Variants in MYL6B observed in about 807,000 individuals in gnomAD.
MYL6B encodes myosin light chain 6B.
In MYL6B, 19 loss-of-function variants were observed where a neutral mutation model predicts 24.5. The ratio of observed to expected loss-of-function variants is 0.78; its 90% CI spans 0.54 to 1.14. The LOEUF (loss-of-function observed/expected upper bound fraction) is 1.14. Among genes scored for constraint, MYL6B ranks in the 50% most tolerant of loss-of-function variants. The pLI is 0.00. For synonymous variants in MYL6B, 90 were observed against 100.7 expected (o/e 0.89, Z 0.64); for missense variants, 230 against 263.8 (o/e 0.87, Z 0.89).
chr12:56,157,752 C>T lies in MYL6B; in HGVS notation c.*26C>T. On this transcript the variant is annotated 3_prime_UTR_variant, in exon 7 of 7. Transcript: ENST00000553066. ...GTGCTGCAGGTAGGGCCCTCCCACC[C>T]CTTCGCCGCGCCTTACGAGGCAAGT... 1.2e-6 allele frequency: 2 copies of T among 1,609,298 alleles called. No homozygotes were observed. Among genetic ancestry groups the T allele is most frequent in the South Asian group, 2.2e-5 (2 of 91,016 alleles).
intron 3 of MYL6B, 56 bp downstream of exon 3, chr12:56,154,896 C>T: frequency 6.3e-7 from 1 of 1,593,530 alleles, no homozygotes; most frequent in East Asian, 2.2e-5. Flanking sequence ...TGGTCAGATT[C>T]TCTTTCTATT....
At chr12:56,154,032 A>G (rs202165844) in exon 2 of MYL6B, 1 of 1,614,112 alleles carries the variant, frequency 6.2e-7, no homozygotes. Context: ...AAGCTGAGCC[A>G]GCTGTCCCCC....
At chr12:56,154,541 C>T (rs1002849511) in intron 2 of MYL6B, among the ~76,000 whole-genome samples, 3 of 152,220 alleles carry the variant, frequency 2.0e-5, no homozygotes, top group Admixed American at 6.5e-5. Context: ...GTTCAGCCCC[C>T]AGTTATGTGT....
At chr12:56,156,743 T>G (rs1383269447) in intron 5 of MYL6B, among the ~76,000 whole-genome samples, 3 of 150,176 alleles carry the variant, frequency 2.0e-5, no homozygotes, top group South Asian at 2.1e-4. Context: ...AGATTCTATC[T>G]CTATTTAAAA....
chr12:56,155,517 G>A, exon 5 of MYL6B: 1 of 1,614,106 alleles, frequency 6.2e-7, no homozygotes, highest in African/African-American at 1.3e-5. Context: ...CTACTTGGAG[G>A]GGTTTCGTGT....
At chr12:56,157,627 G>A (rs1042217663) in intron 6 of MYL6B, 71 bp from the exon 7 acceptor site, 3 of 1,613,076 alleles carry the variant, frequency 1.9e-6, no homozygotes, top group African/African-American at 1.3e-5. Flanking sequence ...GGGCACCCCT[G>A]GATTACCTAG....
chr12:56,153,287 A>G (rs1019085085), intron 1 of MYL6B: 5 of 304,098 alleles, frequency 1.6e-5, no homozygotes, highest in Non-Finnish European at 2.4e-5. Context: ...TTTTATGACT[A>G]TTCTTCCTTT....
exon 3 of MYL6B, chr12:56,154,834 C>T: frequency 6.2e-7 from 1 of 1,612,948 alleles, no homozygotes; most frequent in South Asian, 1.1e-5. Context: ...CAAGGACCAG[C>T]TGGAGGGTGA....
intron 5 of MYL6B, 145 bp downstream of exon 5, chr12:56,155,737 G>A (rs761923982): frequency 1.3e-6 from 2 of 1,540,794 alleles, no homozygotes; most frequent in East Asian, 2.4e-5. Flanking sequence ...TCAGAGCTAT[G>A]GGGGTAGAAT....
At chr12:56,152,768 A>G (rs767561916) in intron 1 of MYL6B, 137 bp downstream of exon 1, 7 of 151,800 alleles carry the variant, frequency 4.6e-5, no homozygotes, top group Admixed American at 2.6e-4. Flanking sequence ...TGAGATTCAG[A>G]CGCTGTTTTG....
chr12:56,156,898 A>T (rs1367275528), intron 5 of MYL6B: 1 of 152,236 alleles, frequency 6.6e-6, no homozygotes, highest in Non-Finnish European at 1.5e-5. Flanking sequence ...AAAAAAATTT[A>T]AAAATTAGCC....
chr12:56,157,470 G>C, exon 6 of MYL6B: 1 of 1,614,084 alleles, frequency 6.2e-7, no homozygotes. Flanking sequence ...GGATTCAGGA[G>C]AGAAGATGAC....
intron 5 of MYL6B, chr12:56,155,875 A>C: frequency 7.6e-7 from 1 of 1,310,098 alleles, no homozygotes; most frequent in Non-Finnish European, 9.8e-7. Context: ...CAAGTCTCGT[A>C]ACCTCCTGGG....
intron 6 of MYL6B, 53 bp from the exon 7 acceptor site, chr12:56,157,645 T>C (rs1275022243): frequency 8.7e-6 from 14 of 1,613,338 alleles, no homozygotes; most frequent in Admixed American, 3.3e-5. Flanking sequence ...TAGAGTCAGA[T>C]GTATTATCCA....
chr12:56,153,587 C>A, intron 1 of MYL6B: 1 of 560,622 alleles, frequency 1.8e-6, no homozygotes, highest in Non-Finnish European at 2.3e-6. Flanking sequence ...CTCAGTGCCA[C>A]TGGCAAGCAT....
At chr12:56,155,346 T>C (rs1871265795) in intron 4 of MYL6B, 73 bp from the exon 5 acceptor site, 1 of 1,603,980 alleles carries the variant, frequency 6.2e-7, no homozygotes, top group South Asian at 1.1e-5. Flanking sequence ...GATGAAAGCA[T>C]TGTGGTAGGG....
intron 5 of MYL6B, chr12:56,155,794 G>A: frequency 1.3e-6 from 2 of 1,497,028 alleles, no homozygotes; most frequent in Non-Finnish European, 1.8e-6. Flanking sequence ...CCGGAGGGCA[G>A]AGGAAAAGGG....
chr12:56,155,526 G>A (rs771355820), exon 5 of MYL6B: 1 of 1,613,966 alleles, frequency 6.2e-7, no homozygotes, highest in Non-Finnish European at 8.5e-7. Flanking sequence ...GGGGTTTCGT[G>A]TGTTTGACAA....
At chr12:56,153,835 G>C (rs774970806) in intron 1 of MYL6B, 38 bp from the exon 2 acceptor site, 12 of 1,326,030 alleles carry the variant, frequency 9.0e-6, no homozygotes, top group Middle Eastern at 2.1e-4. Context: ...CCCTGCCCCC[G>C]CCCCTTGACA....
Sources: allele counts gnomAD v4.1 joint callset (sites outside exome capture counted in the v4.1 genomes callset), GRCh38; gene constraint gnomAD v4.1.1; transcripts MANE v1.5; gene names NCBI Gene and HGNC (gene_info 2026-07-23, HGNC 2026-07-21).